ADK: variants seen among roughly 807,000 people sequenced by gnomAD.
ADK encodes N6,N6-dimethyladenosine kinase.
ADK carries 24 observed loss-of-function variants against 44.7 expected under a neutral mutation model. The ratio of observed to expected loss-of-function variants is 0.54; its 90% confidence interval spans 0.39 to 0.76. ADK has a LOEUF of 0.76. ADK is among the 30% of genes least tolerant of loss of function. The pLI is 0.00. For synonymous variants in ADK, 128 were observed against 142.6 expected (o/e 0.90, Z 0.73); for missense variants, 321 against 425.1 (o/e 0.76, Z 2.15).
intron 6 of ADK, among the ~76,000 whole-genome samples, chr10:74,408,275 G>A (rs570373682): frequency 1.3e-5 from 2 of 151,838 alleles, no homozygotes; most frequent in African/African-American, 2.4e-5. Context: ...TTACAGGCAT[G>A]AGCCACTGCC....
chr10:74,391,251 A>G (rs1436400304), intron 4 of ADK, among the ~76,000 whole-genome samples: 1 of 151,914 alleles, frequency 6.6e-6, no homozygotes, highest in Non-Finnish European at 1.5e-5. Context: ...TTGATTTTTC[A>G]TTCTTGTTAT....
At chr10:74,387,490 T>C (rs1843184543) in intron 4 of ADK, among the ~76,000 whole-genome samples, 1 of 152,194 alleles carries the variant, frequency 6.6e-6, no homozygotes, top group South Asian at 2.1e-4. Flanking sequence ...GGCACCATGA[T>C]AAAATTTCTA....
chr10:74,174,921 T>C (rs1301962853), intron 1 of ADK, among the ~76,000 whole-genome samples: 1 of 152,258 alleles, frequency 6.6e-6, no homozygotes, highest in Non-Finnish European at 1.5e-5. Flanking sequence ...ATGTGTTTTA[T>C]GGCTAGCAAG....
intron 7 of ADK, among the ~76,000 whole-genome samples, chr10:74,542,092 T>G (rs1286216697): frequency 6.6e-6 from 1 of 151,554 alleles, no homozygotes; most frequent in African/African-American, 2.4e-5. Flanking sequence ...AATATAAAAA[T>G]TAGCTGGGCA....
intron 2 of ADK, among the ~76,000 whole-genome samples, chr10:74,203,324 G>A (rs532210621): frequency 6.6e-6 from 1 of 151,978 alleles, no homozygotes; most frequent in African/African-American, 2.4e-5. Context: ...CCTTATGCCA[G>A]TATGACATTG....
chr10:74,614,240 T>G (rs1852662589), intron 9 of ADK, among the ~76,000 whole-genome samples: 1 of 152,124 alleles, frequency 6.6e-6, no homozygotes, highest in Admixed American at 6.6e-5. Flanking sequence ...AGGATCCTGC[T>G]AGAAGGCAAA....
intron 4 of ADK, among the ~76,000 whole-genome samples, chr10:74,329,154 C>T (rs974603541): frequency 7.4e-6 from 1 of 135,122 alleles, no homozygotes; most frequent in Admixed American, 7.4e-5. Flanking sequence ...GTGTGGAGAA[C>T]CAGACAACAA....
chr10:74,597,093 C>T (rs190718173), intron 8 of ADK, among the ~76,000 whole-genome samples: 273 of 152,138 alleles, frequency 1.8e-3, no homozygotes, highest in Middle Eastern at 3.4e-3. Context: ...CCCTTTCTAG[C>T]GATTTTGGGG....
intron 2 of ADK, among the ~76,000 whole-genome samples, chr10:74,221,180 T>C (rs1844292535): frequency 6.6e-6 from 1 of 151,432 alleles, no homozygotes; most frequent in Non-Finnish European, 1.5e-5. Context: ...AGTCTCAGGA[T>C]ACAAAATCAA....
chr10:74,512,359 A>G (rs1848366805), intron 6 of ADK, among the ~76,000 whole-genome samples: 2 of 147,830 alleles, frequency 1.4e-5, no homozygotes, highest in African/African-American at 4.9e-5. Context: ...ATAATTTGGG[A>G]CAAATTGGTT....
At chr10:74,686,828 C>T (rs963108988) in intron 10 of ADK, among the ~76,000 whole-genome samples, 2 of 152,042 alleles carry the variant, frequency 1.3e-5, no homozygotes, top group African/African-American at 4.8e-5. Flanking sequence ...CAGGTGTGCG[C>T]CACCACGCCC....
chr10:74,664,823 C>T (rs1186179692), intron 9 of ADK, among the ~76,000 whole-genome samples: 7 of 152,188 alleles, frequency 4.6e-5, no homozygotes, highest in South Asian at 4.2e-4. Context: ...GCCTGGGCGA[C>T]GCAGCGAAAC....
At chr10:74,689,761 C>T (rs1855919713) in intron 10 of ADK, among the ~76,000 whole-genome samples, 2 of 152,228 alleles carry the variant, frequency 1.3e-5, no homozygotes, top group Admixed American at 1.3e-4. Flanking sequence ...TCATTTTCCA[C>T]AGCTTCTTTA....
chr10:74,490,113 T>A (rs961186346), intron 6 of ADK, among the ~76,000 whole-genome samples: 3 of 152,064 alleles, frequency 2.0e-5, no homozygotes, highest in Non-Finnish European at 4.4e-5. Flanking sequence ...ATTCCTTCCC[T>A]TTATTCTTTC....
chr10:74,452,460 T>C (rs1472781586), intron 6 of ADK, among the ~76,000 whole-genome samples: 3 of 152,016 alleles, frequency 2.0e-5, no homozygotes, highest in African/African-American at 2.4e-5. Context: ...TTAAACATCA[T>C]TGAAGCCATG....
At chr10:74,675,084 G>C (rs966229764) in intron 10 of ADK, among the ~76,000 whole-genome samples, 6 of 151,940 alleles carry the variant, frequency 3.9e-5, no homozygotes, top group Admixed American at 3.9e-4. Context: ...TTCAAGTTTT[G>C]CTGGCCTAAG....
intron 7 of ADK, among the ~76,000 whole-genome samples, chr10:74,541,212 G>T (rs562349862): frequency 2.0e-5 from 3 of 151,908 alleles, no homozygotes; most frequent in Non-Finnish European, 2.9e-5. Flanking sequence ...ACGGGGTTTC[G>T]CCATGTTGGC....
chr10:74,296,909 C>T lies in ADK; in HGVS notation c.195-17758C>T, dbSNP rs187513189. ...GATTACAGGCGTGAGTCATCGCGCC[C>T]GGCCCTTAAGTATTCTTTAATTCAC... On this transcript the variant is annotated intron_variant, in intron 3 of 10. Transcript: ENST00000539909. 2.5e-3 allele frequency among the ~76,000 whole-genome samples: 381 copies of T among 152,156 alleles called. 2 individuals are homozygous for T. The highest frequency in any genetic ancestry group is 8.7e-3 in the African/African-American group (363 of 41,512).
intron 6 of ADK, among the ~76,000 whole-genome samples, chr10:74,405,018 C>T (rs1475932204): frequency 6.6e-6 from 1 of 152,084 alleles, no homozygotes; most frequent in Non-Finnish European, 1.5e-5. Context: ...CCTTTTATGC[C>T]ACTTGAAGTT....
Sources: gnomAD v4.1 joint callset for allele counts (sites outside exome capture counted in the v4.1 genomes callset) on GRCh38, gnomAD v4.1.1 for gene constraint, MANE v1.5 for transcripts, NCBI Gene and HGNC (gene_info 2026-07-23, HGNC 2026-07-21) for gene names.